Variants in CAMK2D observed in about 807,000 individuals in gnomAD.
CAMK2D encodes the protein calcium/calmodulin dependent protein kinase II delta.
CAMK2D carries 37 observed loss-of-function variants against 84.0 expected under a neutral mutation model. The observed-to-expected ratio is 0.44, with a 90% CI of 0.34 to 0.58. CAMK2D has a LOEUF of 0.58. CAMK2D is among the 20% of genes least tolerant of loss of function. The pLI is 0.02. For missense variants in CAMK2D, 448 were observed against 652.5 expected, an observed-to-expected ratio of 0.69 and a Z score of 3.41; for synonymous variants, 202 against 212.5, an observed-to-expected ratio of 0.95 and a Z score of 0.43.
At chr4:113,500,590 A>G in intron 15 of CAMK2D, 79 bp from the exon 16 acceptor site, 1 of 864,386 alleles carries the variant, frequency 1.2e-6, no homozygotes, top group Non-Finnish European at 1.9e-6. Context: ...CTAGTGACAT[A>G]CATATCATGC....
intron 2 of CAMK2D, among the ~76,000 whole-genome samples, chr4:113,694,709 T>C (rs1167430960): frequency 6.6e-6 from 1 of 152,160 alleles, no homozygotes; most frequent in Non-Finnish European, 1.5e-5. Context: ...TATAAGAACA[T>C]TGTCAAAAAT....
chr4:113,693,041 G>T (rs1223047836), intron 2 of CAMK2D, among the ~76,000 whole-genome samples: 1 of 152,056 alleles, frequency 6.6e-6, no homozygotes, highest in Non-Finnish European at 1.5e-5. Flanking sequence ...CTGACCTACA[G>T]GAGATGTAAA....
intron 16 of CAMK2D, among the ~76,000 whole-genome samples, chr4:113,492,057 G>A (rs538628643): frequency 9.3e-4 from 142 of 151,874 alleles, no homozygotes; most frequent in South Asian, 2.5e-3. Flanking sequence ...TCTTCCTAGC[G>A]GTCTATCAAT....
At chr4:113,709,781 A>ATATAGTATATATATATATATATATC (rs1491185734) in intron 2 of CAMK2D, among the ~76,000 whole-genome samples, 1 of 125,322 alleles carries the variant, frequency 8.0e-6, no homozygotes, top group African/African-American at 3.2e-5. Context: ...ATATATATAT[A>ATATAGTATATATATATATATATATC]TGAGAGACTT....
At chr4:113,595,334 G>A (rs960481872) in intron 4 of CAMK2D, among the ~76,000 whole-genome samples, 1 of 151,898 alleles carries the variant, frequency 6.6e-6, no homozygotes, top group African/African-American at 2.4e-5. Flanking sequence ...AATCAAAGAA[G>A]GAATAAGTGA....
chr4:113,546,863 T>C (rs960836892), intron 6 of CAMK2D, among the ~76,000 whole-genome samples: 2 of 152,170 alleles, frequency 1.3e-5, no homozygotes, highest in Non-Finnish European at 2.9e-5. Context: ...AATGAAAAAG[T>C]ACTCCCCTTG....
intron 4 of CAMK2D, among the ~76,000 whole-genome samples, chr4:113,590,518 C>T (rs2098866250): frequency 6.6e-6 from 1 of 152,052 alleles, no homozygotes; most frequent in African/African-American, 2.4e-5. Flanking sequence ...ATTTCCTATG[C>T]ATAAAACTTT....
intron 1 of CAMK2D, among the ~76,000 whole-genome samples, 162 bp downstream of exon 1, chr4:113,760,842 T>C (rs2099639720): frequency 6.6e-6 from 1 of 152,050 alleles, no homozygotes. Flanking sequence ...GCTCCCTCCC[T>C]TTATTAAGAC....
chr4:113,547,189 T>C (rs17046210), intron 6 of CAMK2D, among the ~76,000 whole-genome samples: 3,204 of 152,312 alleles, frequency 0.021, 116 homozygotes, highest in African/African-American at 0.073. Context: ...TGAGGTTCTT[T>C]AGCACATAAT....
chr4:113,525,388 C>A (rs1472934546), intron 8 of CAMK2D, among the ~76,000 whole-genome samples: 5 of 152,164 alleles, frequency 3.3e-5, no homozygotes, highest in African/African-American at 4.8e-5. Context: ...GTGACATCCA[C>A]AAACATTTCC....
At chr4:113,709,883 G>T (rs946651985) in intron 2 of CAMK2D, among the ~76,000 whole-genome samples, 8 of 148,318 alleles carry the variant, frequency 5.4e-5, no homozygotes, top group African/African-American at 2.0e-4. Flanking sequence ...TTTTAGAATG[G>T]CATTTATTTT....
At chr4:113,489,933 A>G (rs1388356334) in intron 16 of CAMK2D, among the ~76,000 whole-genome samples, 1 of 149,886 alleles carries the variant, frequency 6.7e-6, no homozygotes, top group South Asian at 2.1e-4. Flanking sequence ...GGCTGCATAA[A>G]TGTCTTCTTT....
rs1231440552 is a variant in CAMK2D at position 113,537,361 on chromosome 4, C to G, written c.497G>C (p.Gly166Ala). Residue 166 changes from glycine to alanine, a missense_variant, in exon 7 of 21, where the codon GGG (glycine) becomes GCG (alanine). This residue lies in a region of CAMK2D where 60 missense variants were observed against 70.0 expected (regional missense o/e 0.86). Coordinates refer to ENST00000511664, the MANE Select transcript of CAMK2D (RefSeq NM_001321571.2). ...CTCACCAAACCACGCCTGCTGGTCC[C>G]CTTGAACTTCTATGGCTAAGCCAAA... is the stretch of plus-strand genomic sequence containing the variant. The part of the protein sequence containing the change: ...ADFGLAIEVQ[G>A]DQQAWFGFAG... The G allele has an allele frequency of 6.2e-7, 1 of 1,609,586 alleles. No homozygotes were observed. The highest frequency in any genetic ancestry group is 1.3e-5 in the African/African-American group (1 of 74,808).
At chr4:113,656,786 C>T (rs1432040487) in intron 3 of CAMK2D, among the ~76,000 whole-genome samples, 1 of 152,108 alleles carries the variant, frequency 6.6e-6, no homozygotes, top group African/African-American at 2.4e-5. Context: ...ATGTGACCTC[C>T]ATAGATATAT....
chr4:113,651,502 C>A (rs1473776547), intron 3 of CAMK2D, among the ~76,000 whole-genome samples: 1 of 152,090 alleles, frequency 6.6e-6, no homozygotes, highest in Non-Finnish European at 1.5e-5. Context: ...CTCTAAAGTA[C>A]ACTTTCAAAA....
intron 16 of CAMK2D, among the ~76,000 whole-genome samples, chr4:113,467,368 C>T (rs1253646569): frequency 6.6e-6 from 1 of 152,104 alleles, no homozygotes; most frequent in African/African-American, 2.4e-5. Flanking sequence ...CTTCAGGTTA[C>T]CTAGGTGATG....
At position 113,761,617 on chromosome 4, in the gene CAMK2D, G is replaced by T. The variant is rs1350335289; in HGVS notation, c.-549C>A. The T allele has an allele frequency of 2.0e-6, 2 of 984,968 alleles. No homozygotes were observed. Among genetic ancestry groups the T allele is most frequent in the East Asian group, 1.1e-4 (1 of 8,788 alleles). The allele number at this position is 984,968 out of a possible 1,614,324, so 61.0% of individuals were successfully genotyped here. A position where few individuals can be genotyped will look rare whatever the true frequency, so the allele number is the denominator to read the frequency against. On this transcript the variant is annotated 5_prime_UTR_variant, in exon 1 of 21. Coordinates refer to ENST00000511664, the MANE Select transcript of CAMK2D (RefSeq NM_001321571.2). ...GGGGCGCGCCGGGGCTCCGACGAGC[G>T]TGCGCGCCCGAGGCCGGCTTCCCTC... is the stretch of plus-strand genomic sequence containing the variant.
chr4:113,716,348 T>G (rs534113268), intron 2 of CAMK2D, among the ~76,000 whole-genome samples: 1 of 152,248 alleles, frequency 6.6e-6, no homozygotes, highest in African/African-American at 2.4e-5. Flanking sequence ...TTGATGAATC[T>G]TGAACAAATC....
chr4:113,605,001 A>G (rs1168085325), intron 4 of CAMK2D, among the ~76,000 whole-genome samples: 1 of 152,208 alleles, frequency 6.6e-6, no homozygotes, highest in Non-Finnish European at 1.5e-5. Flanking sequence ...TGGCATAAGG[A>G]TTATTTTGAG....
Sources: gnomAD v4.1 joint callset for allele counts (sites outside exome capture counted in the v4.1 genomes callset) on GRCh38, gnomAD v4.1.1 for gene constraint, gnomAD v4.1.1 regional missense constraint, MANE v1.5 for transcripts, NCBI Gene and HGNC (gene_info 2026-07-23, HGNC 2026-07-21) for gene names.